GPM6B: variants seen among roughly 807,000 people sequenced by gnomAD.
GPM6B encodes the protein neuronal membrane glycoprotein M6-b.
In GPM6B, 4 loss-of-function variants were observed where a neutral mutation model predicts 27.2. The ratio of observed to expected loss-of-function variants is 0.15; its 90% CI spans 0.07 to 0.34. The LOEUF is 0.34. GPM6B is among the 10% of genes least tolerant of loss of function. GPM6B has a pLI of 1.00. For synonymous variants in GPM6B, 124 were observed against 103.1 expected (o/e 1.20, Z -1.23); for missense variants, 183 against 261.9 (o/e 0.70, Z 2.08).
At chrX:13,780,532 C>G (rs1242586916) in intron 4 of GPM6B, among the ~76,000 whole-genome samples, 4 of 112,367 alleles carry the variant, frequency 3.6e-5, no homozygotes, top group African/African-American at 9.7e-5. Flanking sequence ...TTTCCTGATT[C>G]TGCAAAATTA....
intron 3 of GPM6B, among the ~76,000 whole-genome samples, chrX:13,784,840 G>A (rs978318097): frequency 1.8e-5 from 2 of 111,829 alleles, no homozygotes; most frequent in Non-Finnish European, 3.8e-5. Flanking sequence ...TGCAATGGAG[G>A]ATGCCCTGGG....
intron 1 of GPM6B, among the ~76,000 whole-genome samples, chrX:13,930,216 CTATCAGA>C (rs1921419128): frequency 9.0e-6 from 1 of 111,667 alleles, no homozygotes; most frequent in Admixed American, 9.5e-5. Context: ...GTCAACTTAC[CTATCAGA>C]TATAATTATT....
chrX:13,926,748 G>GA (rs1921233146), intron 1 of GPM6B, among the ~76,000 whole-genome samples: 4 of 112,029 alleles, frequency 3.6e-5, no homozygotes. Flanking sequence ...CCAAAAAATA[G>GA]AATCCCAATG....
At chrX:13,871,078 CA>C (rs1203135419) in intron 1 of GPM6B, among the ~76,000 whole-genome samples, 10 of 50,755 alleles carry the variant, frequency 2.0e-4, no homozygotes, top group South Asian at 1.3e-3. Context: ...AAAACAAAAA[CA>C]AAAACAAAAC....
At chrX:13,832,191 T>G (rs1348958606) in intron 1 of GPM6B, among the ~76,000 whole-genome samples, 2 of 111,572 alleles carry the variant, frequency 1.8e-5, no homozygotes, top group Non-Finnish European at 3.8e-5. Context: ...TCACCTTCCT[T>G]TGACTCTACT....
chrX:13,886,576 T>A (rs893814789), intron 1 of GPM6B, among the ~76,000 whole-genome samples: 38 of 107,499 alleles, frequency 3.5e-4, no homozygotes, highest in African/African-American at 1.2e-3. Context: ...TTAGCCTACA[T>A]GAAAAGAGGC....
intron 1 of GPM6B, among the ~76,000 whole-genome samples, chrX:13,935,335 CAAAAAAA>C (rs60400361): frequency 7.0e-5 from 3 of 42,723 alleles, no homozygotes; most frequent in African/African-American, 8.7e-5. Context: ...CCTATCTCTA[CAAAAAAA>C]AAAAAAAAAA....
At chrX:13,846,284 C>A (rs901930301) in intron 1 of GPM6B, among the ~76,000 whole-genome samples, 1 of 110,921 alleles carries the variant, frequency 9.0e-6, no homozygotes, top group Admixed American at 9.7e-5. Flanking sequence ...TACTTCTGAT[C>A]TGTGTTCCCG....
chrX:13,912,535 T>C (rs2050386975), intron 1 of GPM6B, among the ~76,000 whole-genome samples: 1 of 111,932 alleles, frequency 8.9e-6, no homozygotes, highest in African/African-American at 3.2e-5. Context: ...GGGAACAAGA[T>C]GCTTTTGAAG....
chrX:13,779,873 C>A lies in GPM6B; in HGVS notation c.642G>T (p.Pro214=). The stretch of plus-strand genomic sequence containing the variant: ...CCACACCCGTGGTCCCGTTGGTCTG[C>A]GGTGACTTGATGACTTCACAAGTTG... ...IWSTCEVIKS[P]QTNGTTGVEQ... The change falls in exon 5 of 8, where the codon CCG becomes CCT. Residue 214 remains proline, a synonymous_variant. Coordinates refer to ENST00000316715, the MANE Select transcript of GPM6B (RefSeq NM_001001995.3). 8.3e-7 allele frequency: 1 copy of A among 1,199,923 alleles called. No individual in the cohort carries two copies. Among genetic ancestry groups the A allele is most frequent in the African/African-American group, 1.7e-5 (1 of 57,607 alleles).
chrX:13,903,672 T>A (rs1004035479), intron 1 of GPM6B, among the ~76,000 whole-genome samples: 4 of 111,955 alleles, frequency 3.6e-5, no homozygotes, highest in Admixed American at 2.8e-4. Flanking sequence ...GCAAGAGAAG[T>A]GGTTCCTTCC....
rs764459977 is a variant in GPM6B at position 13,845,384 on chromosome X, C to CA, written c.-197-59577dup. On this transcript the variant is annotated intron_variant, in intron 1 of 6. Coordinates refer to the GPM6B transcript ENST00000398361. The stretch of plus-strand genomic sequence containing the variant: ...GGGATAAATTTGCCAATTTCCATCT[C>CA]ACGTAATTTTTGTTCATTTGAATGA... 2.4e-3 allele frequency among the ~76,000 whole-genome samples: 271 copies of CA among 111,963 alleles called. 1 individual carries two copies. Among genetic ancestry groups the CA allele is most frequent in the Non-Finnish European group, 3.7e-3 (197 of 53,176 alleles).
rs141951355 is a variant in GPM6B at position 13,802,984 on chromosome X, T to C, written c.181+4666A>G. Reference sequence around the variant, plus strand: ...GGTGGAATGGTACACGCAGAAGGATTAAGGGTTTTTCTTCCCCCTTAAAAT... The same window carrying C: ...GGTGGAATGGTACACGCAGAAGGATCAAGGGTTTTTCTTCCCCCTTAAAAT... On this transcript the variant is annotated intron_variant, in intron 2 of 7. Coordinates refer to ENST00000316715, the MANE Select transcript of GPM6B (RefSeq NM_001001995.3). Among the ~76,000 whole-genome samples, 459 of 111,936 alleles carry C rather than the reference T, an allele frequency of 4.1e-3. 2 individuals are homozygous for C. The highest frequency in any genetic ancestry group is 0.027 in the South Asian group (71 of 2,651).
chrX:13,797,654 G>A (rs1173547828), intron 2 of GPM6B, among the ~76,000 whole-genome samples: 1 of 111,114 alleles, frequency 9.0e-6, no homozygotes, highest in Admixed American at 9.6e-5. Context: ...CAGGCGAGGC[G>A]TGACTCAGGA....
At chrX:13,924,846 T>C (rs768663562) in intron 1 of GPM6B, among the ~76,000 whole-genome samples, 6 of 111,981 alleles carry the variant, frequency 5.4e-5, no homozygotes, top group Non-Finnish European at 9.4e-5. Flanking sequence ...GCAAAATTAA[T>C]TGTGGTATGT....
chrX:13,813,321 T>C (rs1471533290), intron 1 of GPM6B, among the ~76,000 whole-genome samples: 2 of 111,204 alleles, frequency 1.8e-5, no homozygotes, highest in East Asian at 2.8e-4. Flanking sequence ...AAGATTAAAA[T>C]AGATGTATTA....
intron 1 of GPM6B, among the ~76,000 whole-genome samples, chrX:13,911,901 A>C (rs947969439): frequency 8.9e-6 from 1 of 112,408 alleles, no homozygotes; most frequent in African/African-American, 3.2e-5. Context: ...CACACTGAGG[A>C]TGTAGTTTGC....
chrX:13,926,212 G>A (rs1603145129), intron 1 of GPM6B, among the ~76,000 whole-genome samples: 3 of 107,307 alleles, frequency 2.8e-5, no homozygotes, highest in African/African-American at 1.0e-4. Flanking sequence ...GACCATCCTG[G>A]CTAACGCGGT....
intron 2 of GPM6B, among the ~76,000 whole-genome samples, chrX:13,805,596 T>C (rs1447400476): frequency 8.9e-6 from 1 of 112,536 alleles, no homozygotes; most frequent in Non-Finnish European, 1.9e-5. Context: ...ACTGCTGCTA[T>C]GAATGCCCAG....
Sources: gnomAD v4.1 joint callset for allele counts (sites outside exome capture counted in the v4.1 genomes callset) on GRCh38, gnomAD v4.1.1 for gene constraint, MANE v1.5 for transcripts, NCBI Gene and HGNC (gene_info 2026-07-23, HGNC 2026-07-21) for gene names.